The following KCNQ1OT1 variants were observed in gnomAD, a reference collection of about 807,000 sequenced individuals.
KCNQ1OT1 encodes KCNQ1 opposite strand/antisense transcript 1.
exon 1 of KCNQ1OT1, chr11:2,629,774 GT>G: frequency 2.5e-6 from 1 of 398,244 alleles, no homozygotes. Context: ...TGCTGATTTT[GT>G]ATCCTGCCAC....
At chr11:2,665,539 C>T in exon 1 of KCNQ1OT1, 1 of 394,152 alleles carries the variant, frequency 2.5e-6, no homozygotes, top group Non-Finnish European at 4.4e-6. Context: ...ATGCCCTTGT[C>T]ACCCATCTGC....
exon 1 of KCNQ1OT1, chr11:2,639,696 A>T (rs1438631812): frequency 6.6e-6 from 1 of 152,214 alleles, no homozygotes; most frequent in African/African-American, 2.4e-5. Flanking sequence ...CCATTCTTAG[A>T]TCTCAAACTC....
rs1461826976 is a variant in KCNQ1OT1 at position 2,652,740 on chromosome 11, C to G, written n.47255G>C. ...GGCTCACTCACGCTCAGGGTTGACC[C>G]TGTCCTGGCTCTGTCACTGCCTGTC... On this transcript the variant is annotated non_coding_transcript_exon_variant, in exon 1 of 1. Transcript: ENST00000597346. The surrounding 1 kb of genome is among the most constrained non-coding windows in gnomAD (Gnocchi z 5.9). The G allele has an allele frequency of 2.5e-6, 1 of 398,836 alleles. No homozygotes were observed. The highest frequency in any genetic ancestry group is 2.1e-5 in the African/African-American group (1 of 48,642). 24.7% of individuals were successfully genotyped at this position (398,836 alleles called of 1,614,324 possible). A position where few individuals can be genotyped will look rare whatever the true frequency, so the allele number is the denominator to read the frequency against.
rs1848917057 is a variant in KCNQ1OT1, at chr11:2,608,443, C to T, written n.91552G>A. ...CCTTCATAATCCTTTTTATTTCTGT[C>T]AGGTTGGTAGTATACTTCCCTCATT... On this transcript the variant is annotated non_coding_transcript_exon_variant, in exon 1 of 1. Coordinates refer to ENST00000597346, the Ensembl canonical transcript of KCNQ1OT1. The surrounding 1 kb of genome is among the most constrained non-coding windows in gnomAD (Gnocchi z 4.6). The T allele has an allele frequency of 2.5e-6, 1 of 398,310 alleles. No individual in the cohort carries two copies. Among genetic ancestry groups the T allele is most frequent in the Admixed American group, 4.4e-5 (1 of 22,674 alleles). 24.7% of individuals were successfully genotyped at this position (398,310 alleles called of 1,614,324 possible). A position where few individuals can be genotyped will look rare whatever the true frequency, so the allele number is the denominator to read the frequency against.
rs763114271 is a variant in KCNQ1OT1, at chr11:2,620,854, T to G, written n.79141A>C. 2 of 398,528 alleles carry G rather than the reference T, an allele frequency of 5.0e-6. No homozygotes were observed. The highest frequency in any genetic ancestry group is 8.8e-6 in the Non-Finnish European group (2 of 226,088). 24.7% of individuals were successfully genotyped at this position (398,528 alleles called of 1,614,324 possible). On this transcript the variant is annotated non_coding_transcript_exon_variant, in exon 1 of 1. Coordinates refer to ENST00000597346, the Ensembl canonical transcript of KCNQ1OT1. The surrounding 1 kb of genome is among the most constrained non-coding windows in gnomAD (Gnocchi z 4.5). Reference sequence around the variant, plus strand: ...TCTCTGCAGCCTTCCCAGCAACTTTTATTTTTTTGACTTTTTAATAATTGC... The same window carrying G: ...TCTCTGCAGCCTTCCCAGCAACTTTGATTTTTTTGACTTTTTAATAATTGC...
In KCNQ1OT1 at chr11:2,695,926, T is replaced by C. The variant is rs976137892; in HGVS notation, n.4069A>G. On this transcript the variant is annotated non_coding_transcript_exon_variant, in exon 1 of 1. Transcript: ENST00000597346. The surrounding 1 kb of genome is among the most constrained non-coding windows in gnomAD (Gnocchi z 5.2). ...TTTCTTAATGATTTGTGGTGCTTTCTGGTATATTTTAGCTGTTGTTCCCTC... is the reference window on the plus strand; with the variant it reads ...TTTCTTAATGATTTGTGGTGCTTTCCGGTATATTTTAGCTGTTGTTCCCTC... The C allele has an allele frequency of 5.0e-6, 2 of 398,562 alleles. No individual in the cohort carries two copies. The highest frequency in any genetic ancestry group is 4.1e-5 in the African/African-American group (2 of 48,648). 24.7% of individuals were successfully genotyped at this position (398,562 alleles called of 1,614,324 possible).
chr11:2,632,395 A>C (rs1849375147), exon 1 of KCNQ1OT1: 1 of 398,276 alleles, frequency 2.5e-6, no homozygotes, highest in African/African-American at 2.1e-5. Flanking sequence ...GAAAGCCACT[A>C]CTATGTTTAA....
Position 2,677,089 on chromosome 11 carries a change from A to G in KCNQ1OT1, n.22906T>C. 1 of 398,614 alleles carries G rather than the reference A, an allele frequency of 2.5e-6. No individual in the cohort carries two copies. The highest frequency in any genetic ancestry group is 4.4e-6 in the Non-Finnish European group (1 of 226,066). 24.7% of individuals were successfully genotyped at this position (398,614 alleles called of 1,614,324 possible). A position where few individuals can be genotyped will look rare whatever the true frequency, so the allele number is the denominator to read the frequency against. On this transcript the variant is annotated non_coding_transcript_exon_variant, in exon 1 of 1. Transcript: ENST00000597346. The surrounding 1 kb of genome is among the most constrained non-coding windows in gnomAD (Gnocchi z 4.5). ...CATTAACCATTCAAATATATTCACTACTGAAATGACCACTTATGAAATTAG... is the reference window on the plus strand; with the variant it reads ...CATTAACCATTCAAATATATTCACTGCTGAAATGACCACTTATGAAATTAG...
exon 1 of KCNQ1OT1, chr11:2,672,860 C>A: frequency 2.5e-6 from 1 of 398,766 alleles, no homozygotes; most frequent in South Asian, 1.3e-4. Flanking sequence ...TCTTGAGTGT[C>A]ATACCCTAGC....
At chr11:2,622,582 C>T (rs893667692) in exon 1 of KCNQ1OT1, 3 of 398,464 alleles carry the variant, frequency 7.5e-6, no homozygotes, top group Non-Finnish European at 1.3e-5. Context: ...ACATTTTGTG[C>T]CTTTTCTTTT....
At chr11:2,646,557 ACT>A (rs1849669230) in exon 1 of KCNQ1OT1, 1 of 398,550 alleles carries the variant, frequency 2.5e-6, no homozygotes, top group East Asian at 3.6e-5. Context: ...ACAGGGTCTC[ACT>A]CTGTTGCCCA....
exon 1 of KCNQ1OT1, chr11:2,665,074 G>A: frequency 2.5e-6 from 1 of 398,508 alleles, no homozygotes; most frequent in Non-Finnish European, 4.4e-6. Flanking sequence ...ACAAGCTGAG[G>A]CACGGGGTAC....
At position 2,620,540 on chromosome 11, in the gene KCNQ1OT1, A is replaced by C. The variant is rs1442909448; in HGVS notation, n.79455T>G. 5.1e-6 allele frequency: 2 copies of C among 394,884 alleles called. No homozygotes were observed. Among genetic ancestry groups the C allele is most frequent in the Non-Finnish European group, 8.9e-6 (2 of 224,378 alleles). The allele number at this position is 394,884 out of a possible 1,614,324, so 24.5% of individuals were successfully genotyped here. A position where few individuals can be genotyped will look rare whatever the true frequency, so the allele number is the denominator to read the frequency against. On this transcript the variant is annotated non_coding_transcript_exon_variant, in exon 1 of 1. Coordinates refer to ENST00000597346, the Ensembl canonical transcript of KCNQ1OT1. This position sits in a 1 kb window ranked among gnomAD's most constrained non-coding sequence, Gnocchi z 4.5. ...CGAATTCATTCATTTTTATGGCTGC[A>C]TAGTATTCCATGGTGTACATGTACC... is the stretch of plus-strand genomic sequence containing the variant.
At position 2,611,705 on chromosome 11, in the gene KCNQ1OT1, G is replaced by T; in HGVS notation, n.88290C>A. ...TATTGAGTTTTTAATTCACTTATAT[G>T]TAATATAATTATTGATATGGAAGGA... On this transcript the variant is annotated non_coding_transcript_exon_variant, in exon 1 of 1. Transcript: ENST00000597346. The surrounding 1 kb of genome is among the most constrained non-coding windows in gnomAD (Gnocchi z 5.3). The T allele has an allele frequency of 5.0e-6, 2 of 398,388 alleles. No individual in the cohort carries two copies. Among genetic ancestry groups the T allele is most frequent in the Non-Finnish European group, 8.8e-6 (2 of 226,026 alleles). 24.7% of individuals were successfully genotyped at this position (398,388 alleles called of 1,614,324 possible).
At chr11:2,694,733 A>G (rs1033887409) in exon 1 of KCNQ1OT1, 13 of 398,522 alleles carry the variant, frequency 3.3e-5, no homozygotes, top group African/African-American at 2.3e-4. Flanking sequence ...GGCAGCCAAC[A>G]AATAAGTAGA....
exon 1 of KCNQ1OT1, chr11:2,692,099 C>T (rs1035771236): frequency 1.0e-5 from 4 of 398,566 alleles, no homozygotes; most frequent in African/African-American, 8.2e-5. Flanking sequence ...CACCTCCTCT[C>T]CACAGCCTCC....
At position 2,645,357 on chromosome 11, in the gene KCNQ1OT1, C is replaced by T. The variant is rs1005690777; in HGVS notation, n.54638G>A. The T allele has an allele frequency of 1.1e-4, 42 of 398,732 alleles. No homozygotes were observed. In the South Asian group the frequency reaches 2.7e-3, roughly 25 times the overall value. The allele number at this position is 398,732 out of a possible 1,614,324, so 24.7% of individuals were successfully genotyped here. On this transcript the variant is annotated non_coding_transcript_exon_variant, in exon 1 of 1. Coordinates refer to ENST00000597346, the Ensembl canonical transcript of KCNQ1OT1. The surrounding 1 kb of genome is among the most constrained non-coding windows in gnomAD (Gnocchi z 5.8). ...GATCCCTAGGCCCAGAGATGGTATG[C>T]GCTGGCACTGGGAGAAAAGAGGGTG... is the stretch of plus-strand genomic sequence containing the variant.
chr11:2,699,036 T>A, exon 1 of KCNQ1OT1: 2 of 398,626 alleles, frequency 5.0e-6, no homozygotes, highest in Non-Finnish European at 8.8e-6. Flanking sequence ...GATTTCCGAC[T>A]CCGGTCCCAA....
chr11:2,623,704 C>T lies in KCNQ1OT1; in HGVS notation n.76291G>A, dbSNP rs961380039. 5.0e-6 allele frequency: 2 copies of T among 398,432 alleles called. No homozygotes were observed. Among genetic ancestry groups the T allele is most frequent in the Non-Finnish European group, 4.4e-6 (1 of 226,042 alleles). The allele number at this position is 398,432 out of a possible 1,614,324, so 24.7% of individuals were successfully genotyped here. A position where few individuals can be genotyped will look rare whatever the true frequency, so the allele number is the denominator to read the frequency against. On this transcript the variant is annotated non_coding_transcript_exon_variant, in exon 1 of 1. Coordinates refer to ENST00000597346, the Ensembl canonical transcript of KCNQ1OT1. This position sits in a 1 kb window ranked among gnomAD's most constrained non-coding sequence, Gnocchi z 5.2. ...ACATCTCGGTTGCTTCCAATTTCAA[C>T]AATCACAAATAAAGCTTCTGTAAAC...
Sources: allele counts gnomAD v4.1 joint callset, GRCh38; gene constraint gnomAD v4.1.1; non-coding constraint Gnocchi (gnomAD v3.1); transcripts MANE v1.5; gene names NCBI Gene and HGNC (gene_info 2026-07-23, HGNC 2026-07-21).